EXOC2: variants seen among roughly 807,000 people sequenced by gnomAD.
The protein encoded by EXOC2 is exocyst complex component 2.
In EXOC2, 70 loss-of-function variants were observed where a neutral mutation model predicts 131.8. The observed-to-expected ratio is 0.53, with a 90% CI of 0.44 to 0.65. The LOEUF (loss-of-function observed/expected upper bound fraction) is 0.65, where lower values mean the gene tolerates loss of function less well. EXOC2 is among the 30% of genes least tolerant of loss of function. EXOC2 has a pLI of 0.00. For synonymous variants in EXOC2, 411 were observed against 398.4 expected (o/e 1.03, Z -0.38); for missense variants, 923 against 1,108.6 (o/e 0.83, Z 2.38).
At chr6:611,154 G>C (rs930631534) in intron 6 of EXOC2, among the ~76,000 whole-genome samples, 7 of 151,952 alleles carry the variant, frequency 4.6e-5, no homozygotes, top group Admixed American at 4.6e-4. Context: ...AAACGGAAAG[G>C]AACTTCCTTC....
At chr6:692,801 G>A (rs966243356) in intron 1 of EXOC2, among the ~76,000 whole-genome samples, 3 of 136,010 alleles carry the variant, frequency 2.2e-5, no homozygotes, top group Non-Finnish European at 5.0e-5. Flanking sequence ...GGCGGGGGTG[G>A]GCGCGGAGCC....
intron 1 of EXOC2, among the ~76,000 whole-genome samples, chr6:654,750 G>A (rs11243049): frequency 2.4e-5 from 3 of 126,756 alleles, no homozygotes; most frequent in Admixed American, 9.9e-5. Flanking sequence ...GCTGCAGTGA[G>A]CCATGATTGT....
chr6:656,074 A>C (rs772115497), intron 1 of EXOC2: 14 of 1,521,446 alleles, frequency 9.2e-6, no homozygotes, highest in Non-Finnish European at 1.2e-5. Flanking sequence ...AAAAGATCAA[A>C]ACCTTAAAAA....
intron 10 of EXOC2, 146 bp from the exon 11 acceptor site, chr6:592,733 T>C (rs375585671): frequency 6.5e-6 from 4 of 615,766 alleles, no homozygotes; most frequent in African/African-American, 5.6e-5. Flanking sequence ...TGAAATATAT[T>C]CAAATTTCTT....
chr6:555,960 T>C lies in EXOC2; in HGVS notation c.1986A>G (p.Ile662Met). 1 of 1,614,126 alleles carries C rather than the reference T, an allele frequency of 6.2e-7. No homozygotes were observed. Among genetic ancestry groups the C allele is most frequent in the Non-Finnish European group, 8.5e-7 (1 of 1,180,000 alleles). The change falls in exon 19 of 28, where the codon ATA becomes ATG. Residue 662 changes from isoleucine (I) to methionine (M), a missense_variant. Coordinates refer to ENST00000230449, the MANE Select transcript of EXOC2 (RefSeq NM_018303.6). ...TACTGCTTTCTATTATTACCTGCAT[T>C]ATATTGATGCTTAGCTGGCAAACCT... is the stretch of plus-strand genomic sequence containing the variant. The part of the protein sequence containing the change: ...QEEVCQLSIN[I>M]MQVFIYCLEQ...
chr6:541,263 CT>C (rs1766801218), intron 22 of EXOC2, among the ~76,000 whole-genome samples: 1 of 151,868 alleles, frequency 6.6e-6, no homozygotes, highest in Non-Finnish European at 1.5e-5. Context: ...AAATTCAAAA[CT>C]AAAAAAAATG....
At chr6:645,401 C>T (rs1006602050) in intron 1 of EXOC2, among the ~76,000 whole-genome samples, 1 of 152,092 alleles carries the variant, frequency 6.6e-6, no homozygotes, top group South Asian at 2.1e-4. Context: ...TTCAATATGA[C>T]AAACACAAGT....
At chr6:630,998 TA>T (rs1266665461) in intron 3 of EXOC2, among the ~76,000 whole-genome samples, 1 of 152,238 alleles carries the variant, frequency 6.6e-6, no homozygotes, top group East Asian at 1.9e-4. Flanking sequence ...GCACAGGGCT[TA>T]CCAGCTAGGC....
intron 23 of EXOC2, among the ~76,000 whole-genome samples, chr6:513,936 A>G (rs367712264): frequency 1.3e-5 from 2 of 152,352 alleles, no homozygotes; most frequent in South Asian, 4.1e-4. Flanking sequence ...TGAGCTTTTT[A>G]TGCTAATTGT....
At chr6:521,216 A>G (rs1292910100) in intron 23 of EXOC2, among the ~76,000 whole-genome samples, 1 of 148,910 alleles carries the variant, frequency 6.7e-6, no homozygotes, top group Non-Finnish European at 1.5e-5. Context: ...TCGGAGATGA[A>G]AACCACCACC....
At chr6:488,606 C>T (rs1243045314) in intron 27 of EXOC2, among the ~76,000 whole-genome samples, 1 of 151,918 alleles carries the variant, frequency 6.6e-6, no homozygotes, top group Non-Finnish European at 1.5e-5. Flanking sequence ...TCACCGACTC[C>T]TGCATTTTAC....
chr6:593,806 G>T (rs1413781263), intron 10 of EXOC2, among the ~76,000 whole-genome samples: 3 of 152,214 alleles, frequency 2.0e-5, no homozygotes, highest in Non-Finnish European at 4.4e-5. Context: ...GTGCACCCAT[G>T]CTTCCAGCCC....
chr6:638,804 C>T (rs778615073), intron 1 of EXOC2, among the ~76,000 whole-genome samples: 1 of 152,162 alleles, frequency 6.6e-6, no homozygotes, highest in Non-Finnish European at 1.5e-5. Context: ...TGGTGCACGC[C>T]TGTAATCCCA....
intron 23 of EXOC2, among the ~76,000 whole-genome samples, chr6:503,027 G>A (rs961542626): frequency 7.9e-5 from 12 of 152,192 alleles, no homozygotes; most frequent in African/African-American, 1.2e-4. Context: ...GGAGCTCTGC[G>A]AGCTGCCATC....
At chr6:521,337 C>T (rs1352750668) in intron 23 of EXOC2, among the ~76,000 whole-genome samples, 2 of 152,126 alleles carry the variant, frequency 1.3e-5, no homozygotes, top group Non-Finnish European at 2.9e-5. Flanking sequence ...CACTGAGTGC[C>T]GACAGTCACT....
chr6:592,291 G>T (rs776450933), intron 11 of EXOC2, among the ~76,000 whole-genome samples, 178 bp downstream of exon 11: 1 of 151,928 alleles, frequency 6.6e-6, no homozygotes, highest in African/African-American at 2.4e-5. Context: ...TAAAAGAGTT[G>T]TCCCTTTTCA....
chr6:637,670 G>T, intron 2 of EXOC2, 31 bp downstream of exon 2: 1 of 1,540,650 alleles, frequency 6.5e-7, no homozygotes. Flanking sequence ...AATCCGATTA[G>T]CAGGGTGCGT....
intron 1 of EXOC2, among the ~76,000 whole-genome samples, chr6:639,285 G>C (rs960216030): frequency 2.0e-5 from 3 of 151,372 alleles, no homozygotes; most frequent in Admixed American, 2.0e-4. Context: ...TTGCCACTGT[G>C]AGCAGGTGTG....
chr6:577,701 G>A (rs1758659145), intron 11 of EXOC2, among the ~76,000 whole-genome samples: 1 of 152,194 alleles, frequency 6.6e-6, no homozygotes, highest in Admixed American at 6.5e-5. Context: ...TGAATTCAAA[G>A]TGCATTTACA....
Sources: gnomAD v4.1 joint callset for allele counts (sites outside exome capture counted in the v4.1 genomes callset) on GRCh38, gnomAD v4.1.1 for gene constraint, MANE v1.5 for transcripts, NCBI Gene and HGNC (gene_info 2026-07-23, HGNC 2026-07-21) for gene names.